The following CHSY3 variants were observed in gnomAD, a reference collection of about 807,000 sequenced individuals.
The protein encoded by CHSY3 is N-acetylgalactosaminyl-proteoglycan 3-beta-glucuronosyltransferase 3.
A neutral mutation model predicts 67.2 loss-of-function variants in CHSY3; 35 were observed. The ratio of observed to expected loss-of-function variants is 0.52; its 90% confidence interval spans 0.40 to 0.69. The LOEUF is 0.69. Ranked by LOEUF, CHSY3 falls within the 30% of genes least tolerant of loss-of-function variation. The pLI is 0.00. For synonymous variants in CHSY3, 474 were observed against 434.7 expected (o/e 1.09, Z -1.12); for missense variants, 1,069 against 1,138.5 (o/e 0.94, Z 0.88).
At chr5:130,034,453 T>G (rs760957877) in intron 2 of CHSY3, among the ~76,000 whole-genome samples, 1 of 152,178 alleles carries the variant, frequency 6.6e-6, no homozygotes, top group Non-Finnish European at 1.5e-5. Flanking sequence ...CAACATTTTA[T>G]TATGAGCAGT....
chr5:130,049,026 T>A (rs2149670099), intron 2 of CHSY3, among the ~76,000 whole-genome samples: 1 of 152,150 alleles, frequency 6.6e-6, no homozygotes, highest in African/African-American at 2.4e-5. Context: ...CACAGAATTC[T>A]GATGGTGAGT....
intron 2 of CHSY3, among the ~76,000 whole-genome samples, chr5:129,945,251 G>C (rs911687373): frequency 3.3e-5 from 5 of 152,230 alleles, no homozygotes; most frequent in African/African-American, 1.2e-4. Context: ...TGGGCAGGAG[G>C]AATGTGGAAC....
chr5:130,110,716 T>C (rs563144797), intron 2 of CHSY3, among the ~76,000 whole-genome samples: 79 of 152,068 alleles, frequency 5.2e-4, no homozygotes, highest in Non-Finnish European at 8.0e-4. Flanking sequence ...AATGATGACA[T>C]ATAATACCTT....
intron 2 of CHSY3, among the ~76,000 whole-genome samples, chr5:129,999,967 A>G (rs913623415): frequency 2.6e-5 from 4 of 152,132 alleles, no homozygotes; most frequent in Non-Finnish European, 4.4e-5. Flanking sequence ...TCCCTCAGAA[A>G]TAACCATTGT....
intron 2 of CHSY3, among the ~76,000 whole-genome samples, chr5:130,002,639 T>A (rs1262151592): frequency 6.6e-6 from 1 of 152,168 alleles, no homozygotes; most frequent in Non-Finnish European, 1.5e-5. Flanking sequence ...TAAAGAGACA[T>A]AGAAGCTAGA....
chr5:130,171,901 A>G (rs1769904424), intron 2 of CHSY3, among the ~76,000 whole-genome samples: 1 of 152,068 alleles, frequency 6.6e-6, no homozygotes, highest in South Asian at 2.1e-4. Flanking sequence ...TGCAAGTGAC[A>G]GAACCACAGC....
intron 2 of CHSY3, among the ~76,000 whole-genome samples, chr5:129,940,777 A>ATATATGTTT (rs1761673416): frequency 6.6e-6 from 1 of 152,014 alleles, no homozygotes; most frequent in Admixed American, 6.6e-5. Flanking sequence ...ATATACATAT[A>ATATATGTTT]TATATGTTTT....
intron 2 of CHSY3, among the ~76,000 whole-genome samples, chr5:130,064,604 T>C (rs1251562700): frequency 6.6e-6 from 1 of 152,210 alleles, no homozygotes; most frequent in African/African-American, 2.4e-5. Flanking sequence ...TCTTGTCTGC[T>C]GTTCATTGAC....
chr5:130,060,467 G>A (rs1445644654), intron 2 of CHSY3, among the ~76,000 whole-genome samples: 1 of 152,180 alleles, frequency 6.6e-6, no homozygotes, highest in East Asian at 1.9e-4. Context: ...ACTGCATGGG[G>A]AAAAGTCGAA....
intron 2 of CHSY3, among the ~76,000 whole-genome samples, chr5:129,977,369 G>C (rs1005378396): frequency 6.6e-6 from 1 of 152,152 alleles, no homozygotes; most frequent in Non-Finnish European, 1.5e-5. Context: ...TTTGGGAACA[G>C]ATTACTTGGG....
intron 2 of CHSY3, among the ~76,000 whole-genome samples, chr5:129,930,448 T>A (rs1488539026): frequency 7.1e-6 from 1 of 139,876 alleles, no homozygotes; most frequent in African/African-American, 2.6e-5. Flanking sequence ...GAAGCTAACA[T>A]GGCATTGATA....
intron 2 of CHSY3, among the ~76,000 whole-genome samples, chr5:130,115,952 T>C (rs1209952406): frequency 1.3e-5 from 2 of 152,148 alleles, no homozygotes; most frequent in African/African-American, 4.8e-5. Context: ...GCTCAAAGAC[T>C]CCTCTCCTTG....
intron 2 of CHSY3, among the ~76,000 whole-genome samples, chr5:130,011,572 A>T (rs1222689388): frequency 6.6e-6 from 1 of 152,214 alleles, no homozygotes; most frequent in Non-Finnish European, 1.5e-5. Flanking sequence ...CAAGGCGAAG[A>T]TGACTGCTCT....
At position 130,185,775 on chromosome 5, in the gene CHSY3, A is replaced by G. The variant is rs761335482; in HGVS notation, c.2633A>G (p.Asn878Ser). Residue 878 changes from asparagine to serine, a missense_variant, in exon 3 of 3, where the codon AAT becomes AGT. Asn to Ser is a conservative substitution (Grantham distance 46, BLOSUM62 1). This residue lies in a region of CHSY3 where 139 missense variants were observed against 152.8 expected (regional missense o/e 0.91). Transcript: ENST00000305031. Reference sequence around the variant, plus strand: ...GAAAAACATTTAGGTGTCAGGTACAATCGAACTCTCTCCTGACAGTCCAGG... The same window carrying G: ...GAAAAACATTTAGGTGTCAGGTACAGTCGAACTCTCTCCTGACAGTCCAGG... ...WLEKHLGVRY[N>S]RTLS 2.5e-6 allele frequency: 4 copies of G among 1,599,034 alleles called. No homozygotes were observed. The highest frequency in any genetic ancestry group is 1.1e-5 in the South Asian group (1 of 89,032).
chr5:130,164,559 A>G (rs758666210), intron 2 of CHSY3, among the ~76,000 whole-genome samples: 24 of 152,182 alleles, frequency 1.6e-4, no homozygotes, highest in Non-Finnish European at 3.2e-4. Context: ...GTAGGAACAT[A>G]AAGACCAGAT....
intron 2 of CHSY3, among the ~76,000 whole-genome samples, chr5:129,993,946 G>T (rs896088920): frequency 1.6e-4 from 25 of 152,144 alleles, no homozygotes; most frequent in East Asian, 1.4e-3. Context: ...GTCTGTAAAG[G>T]ATTTTATTTC....
intron 2 of CHSY3, among the ~76,000 whole-genome samples, chr5:129,938,223 G>C (rs1241188145): frequency 3.5e-4 from 53 of 152,194 alleles, no homozygotes; most frequent in Admixed American, 3.4e-3. Flanking sequence ...CAGGAGCCCT[G>C]TCCCAAGGCT....
At chr5:130,182,410 A>G (rs1770275309) in intron 2 of CHSY3, among the ~76,000 whole-genome samples, 1 of 151,834 alleles carries the variant, frequency 6.6e-6, no homozygotes, top group Non-Finnish European at 1.5e-5. Context: ...TTTTCATAAA[A>G]TCTATTGAAT....
intron 1 of CHSY3, among the ~76,000 whole-genome samples, chr5:129,907,548 A>T (rs1417517930): frequency 2.6e-5 from 4 of 152,200 alleles, no homozygotes; most frequent in Admixed American, 2.6e-4. Flanking sequence ...TTTTCTAAAA[A>T]GGTGCCTTCC....
Sources: gnomAD v4.1 joint callset for allele counts (sites outside exome capture counted in the v4.1 genomes callset) on GRCh38, gnomAD v4.1.1 for gene constraint, gnomAD v4.1.1 regional missense constraint, MANE v1.5 for transcripts, NCBI Gene and HGNC (gene_info 2026-07-23, HGNC 2026-07-21) for gene names.